The following CNTN4 variants were observed in gnomAD, a reference collection of about 807,000 sequenced individuals.
CNTN4 encodes the protein contactin 4.
CNTN4 carries 77 observed loss-of-function variants against 122.5 expected under a neutral mutation model. The ratio of observed to expected loss-of-function variants is 0.63; its 90% confidence interval spans 0.52 to 0.76. The LOEUF (loss-of-function observed/expected upper bound fraction) is 0.76, where lower values mean the gene tolerates loss of function less well. Among genes scored for constraint, CNTN4 ranks in the 30% least tolerant of loss-of-function variants. The pLI is 0.00. For missense variants in CNTN4, 1,256 were observed against 1,259.1 expected, an observed-to-expected ratio of 1.00 and a Z score of 0.04; for synonymous variants, 512 against 447.0, an observed-to-expected ratio of 1.15 and a Z score of -1.83.
At chr3:2,736,840 A>C (rs1024395414) in intron 5 of CNTN4, among the ~76,000 whole-genome samples, 2 of 151,544 alleles carry the variant, frequency 1.3e-5, no homozygotes, top group African/African-American at 4.9e-5. Context: ...TCAGGAGTGC[A>C]GTGTGCGACC....
At position 2,642,663 on chromosome 3, in the gene CNTN4, G is replaced by T. The variant is rs75450177; in HGVS notation, c.55+71105G>T. 1.2e-3 allele frequency among the ~76,000 whole-genome samples: 178 copies of T among 152,178 alleles called. 1 individual carries two copies. Among genetic ancestry groups the T allele is most frequent in the African/African-American group, 3.9e-3 (161 of 41,512 alleles). On this transcript the variant is annotated intron_variant, in intron 4 of 24. Coordinates refer to ENST00000418658, the MANE Select transcript of CNTN4 (RefSeq NM_175607.3). ...ATTATAGCCAAATCTAATATGTGTA[G>T]CTTCCCTGTATTTGATGAATCCCCT...
intron 2 of CNTN4, among the ~76,000 whole-genome samples, chr3:2,149,537 A>G (rs1004324407): frequency 2.6e-5 from 4 of 152,120 alleles, no homozygotes; most frequent in African/African-American, 9.7e-5. Context: ...AGAAAATTGC[A>G]TTCCCTCAGG....
At chr3:2,363,108 T>C (rs550607309) in intron 3 of CNTN4, among the ~76,000 whole-genome samples, 1 of 152,346 alleles carries the variant, frequency 6.6e-6, no homozygotes, top group East Asian at 1.9e-4. Context: ...GCCTGGCTGA[T>C]TCTCTTATGT....
intron 2 of CNTN4, among the ~76,000 whole-genome samples, chr3:2,146,730 A>C (rs2035262370): frequency 6.6e-6 from 1 of 152,170 alleles, no homozygotes; most frequent in Non-Finnish European, 1.5e-5. Flanking sequence ...CCCTACCCTG[A>C]TATGTGTCAG....
At chr3:2,358,047 A>G (rs748896678) in intron 3 of CNTN4, among the ~76,000 whole-genome samples, 9 of 152,228 alleles carry the variant, frequency 5.9e-5, no homozygotes, top group Non-Finnish European at 7.3e-5. Flanking sequence ...ACACCTGTGT[A>G]CCCCATGTGA....
chr3:2,744,331 A>AGTCT (rs1361731693), intron 5 of CNTN4, among the ~76,000 whole-genome samples: 2 of 150,786 alleles, frequency 1.3e-5, no homozygotes, highest in African/African-American at 2.4e-5. Context: ...AGACAACCAC[A>AGTCT]GTACCCAAGA....
chr3:2,896,079 G>A (rs574279217), intron 10 of CNTN4, among the ~76,000 whole-genome samples: 58 of 151,934 alleles, frequency 3.8e-4, no homozygotes, highest in Non-Finnish European at 7.4e-4. Context: ...ATGAAAAGGA[G>A]TGTTAGACAT....
intron 3 of CNTN4, among the ~76,000 whole-genome samples, chr3:2,483,251 C>A (rs6442732): frequency 0.63 from 95,445 of 152,016 alleles, 30,282 homozygotes; most frequent in African/African-American, 0.7. Flanking sequence ...TTAGACTTGC[C>A]TGGGGCCTGC....
At chr3:2,604,685 G>C (rs1406167379) in intron 4 of CNTN4, among the ~76,000 whole-genome samples, 1 of 152,034 alleles carries the variant, frequency 6.6e-6, no homozygotes, top group African/African-American at 2.4e-5. Flanking sequence ...ACTTTATTGA[G>C]GTATGATTTA....
chr3:2,553,009 AC>A (rs1575965713), intron 3 of CNTN4, among the ~76,000 whole-genome samples: 1 of 152,154 alleles, frequency 6.6e-6, no homozygotes, highest in East Asian at 1.9e-4. Context: ...TACACGTCTT[AC>A]CTGGAAAACG....
intron 3 of CNTN4, among the ~76,000 whole-genome samples, chr3:2,552,716 G>T (rs1224934482): frequency 6.6e-6 from 1 of 152,156 alleles, no homozygotes; most frequent in African/African-American, 2.4e-5. Flanking sequence ...AGGCAGGTAT[G>T]GGGTGGAGAA....
intron 12 of CNTN4, among the ~76,000 whole-genome samples, chr3:2,906,120 AGAAT>A (rs533151903): frequency 7.9e-4 from 121 of 152,294 alleles, no homozygotes; most frequent in African/African-American, 2.8e-3. Context: ...ACTCATAAGT[AGAAT>A]CTGAAAAAGT....
At chr3:2,728,730 A>G (rs751799569) in intron 4 of CNTN4, among the ~76,000 whole-genome samples, 6 of 152,224 alleles carry the variant, frequency 3.9e-5, no homozygotes, top group Non-Finnish European at 8.8e-5. Context: ...GGTACAACTC[A>G]TATCTAAACC....
chr3:2,238,007 A>C (rs950764221), intron 2 of CNTN4, among the ~76,000 whole-genome samples: 2 of 152,128 alleles, frequency 1.3e-5, no homozygotes, highest in Non-Finnish European at 1.5e-5. Flanking sequence ...GTTTTTTAAC[A>C]TGACTTGCCA....
At chr3:2,109,764 G>A (rs776913198) in intron 2 of CNTN4, among the ~76,000 whole-genome samples, 11 of 152,018 alleles carry the variant, frequency 7.2e-5, no homozygotes, top group East Asian at 1.9e-4. Context: ...TTATAAATAC[G>A]AATTTTTTTG....
chr3:2,723,759 G>A (rs1010329242), intron 4 of CNTN4, among the ~76,000 whole-genome samples: 4 of 152,290 alleles, frequency 2.6e-5, no homozygotes, highest in Non-Finnish European at 4.4e-5. Flanking sequence ...AGTGCTCAGC[G>A]TACCAGAATC....
chr3:2,148,206 G>T (rs17194133), intron 2 of CNTN4, among the ~76,000 whole-genome samples: 32,902 of 152,076 alleles, frequency 0.22, 4,517 homozygotes, highest in Admixed American at 0.32. Context: ...TTCTTGGGCT[G>T]TGGAAGTTGG....
At chr3:2,852,974 C>A (rs966749157) in intron 7 of CNTN4, among the ~76,000 whole-genome samples, 1 of 152,040 alleles carries the variant, frequency 6.6e-6, no homozygotes, top group East Asian at 1.9e-4. Context: ...TTTCTAAGAA[C>A]CAGTTTTTAC....
chr3:2,415,681 T>C lies in CNTN4; in HGVS notation c.-89+76448T>C, dbSNP rs143567048. Among the ~76,000 whole-genome samples the C allele has an allele frequency of 1.0e-3, 157 of 152,334 alleles. 1 individual carries two copies. The highest frequency in any genetic ancestry group is 3.6e-3 in the African/African-American group (150 of 41,584). On this transcript the variant is annotated intron_variant, in intron 3 of 24. Coordinates refer to ENST00000418658, the MANE Select transcript of CNTN4 (RefSeq NM_175607.3). ...TCCTTTGCCTTTTCCTATTTAAGTT[T>C]TTTTCTTTTATTCTTCTATTAATAA...
Sources: allele counts gnomAD v4.1 joint callset (sites outside exome capture counted in the v4.1 genomes callset), GRCh38; gene constraint gnomAD v4.1.1; transcripts MANE v1.5; gene names NCBI Gene and HGNC (gene_info 2026-07-23, HGNC 2026-07-21).